Variants in CSMD3 observed in about 807,000 individuals in gnomAD.
CSMD3 encodes the protein CUB and Sushi multiple domains 3.
Under a neutral mutation model 435.2 loss-of-function variants are expected in CSMD3, and 177 were observed. That is an observed-to-expected ratio of 0.41 (90% CI 0.36 to 0.46). CSMD3 has a LOEUF of 0.46. Ranked by LOEUF, CSMD3 falls within the 20% of genes least tolerant of loss-of-function variation. The pLI, the probability that CSMD3 is intolerant of heterozygous loss-of-function variation, is 0.34. For missense variants in CSMD3, 4,265 were observed against 4,504.6 expected (o/e 0.95, Z 1.52); for synonymous variants, 1,656 against 1,520.5 (o/e 1.09, Z -2.07).
intron 57 of CSMD3, 140 bp from the exon 58 acceptor site, chr8:112,287,386 T>A: frequency 2.7e-6 from 2 of 751,302 alleles, no homozygotes; most frequent in Non-Finnish European, 4.7e-6. Flanking sequence ...AATTCATATT[T>A]CTTATCTGAC....
intron 2 of CSMD3, among the ~76,000 whole-genome samples, chr8:113,301,281 A>T (rs191348531): frequency 6.3e-4 from 96 of 152,216 alleles, no homozygotes; most frequent in African/African-American, 2.3e-3. Flanking sequence ...TTACAGACTT[A>T]TATATTATTA....
At chr8:113,000,120 G>A (rs2085808600) in intron 6 of CSMD3, among the ~76,000 whole-genome samples, 1 of 151,910 alleles carries the variant, frequency 6.6e-6, no homozygotes, top group Non-Finnish European at 1.5e-5. Context: ...AAATGACAAA[G>A]GAGACTGAGG....
chr8:113,366,610 G>A (rs892042460), intron 1 of CSMD3, among the ~76,000 whole-genome samples: 6 of 151,962 alleles, frequency 3.9e-5, no homozygotes, highest in Admixed American at 6.6e-5. Flanking sequence ...AGAGCTAATC[G>A]TTTTATGCAT....
intron 30 of CSMD3, among the ~76,000 whole-genome samples, chr8:112,496,538 A>C (rs1586517956): frequency 6.6e-6 from 1 of 152,318 alleles, no homozygotes; most frequent in East Asian, 1.9e-4. Context: ...AGAATAGTCA[A>C]GATTTGGAAG....
chr8:113,064,770 C>T (rs1267365349), intron 5 of CSMD3, among the ~76,000 whole-genome samples: 2 of 152,022 alleles, frequency 1.3e-5, no homozygotes, highest in Non-Finnish European at 2.9e-5. Context: ...CAAATTACGG[C>T]TTTTTCTTTT....
chr8:112,380,314 T>C (rs1829352121), intron 38 of CSMD3, 38 bp downstream of exon 38: 1 of 1,098,398 alleles, frequency 9.1e-7, no homozygotes, highest in Non-Finnish European at 1.4e-6. Context: ...ATAAACTTGT[T>C]CTTAACCTTT....
chr8:112,336,732 T>C lies in CSMD3; in HGVS notation c.6939A>G (p.Val2313=), dbSNP rs755814766. 1.3e-5 allele frequency: 21 copies of C among 1,613,356 alleles called. No individual in the cohort carries two copies. The highest frequency in any genetic ancestry group is 1.6e-4 in the Middle Eastern group (1 of 6,080). ...YPNFQDCFWL[V]RVPPGNGIYI... Reference sequence around the variant, plus strand: ...AGATGCCATTCCCAGGGGGTACTCTTACAAGCCAAAAACAATCTTGAAAGT... The same window carrying C: ...AGATGCCATTCCCAGGGGGTACTCTCACAAGCCAAAAACAATCTTGAAAGT... Residue 2313 remains valine (V), a synonymous_variant, in exon 44 of 71, where the codon GTA becomes GTG. Transcript: ENST00000297405.
chr8:112,596,882 T>C (rs1177946822), intron 22 of CSMD3, among the ~76,000 whole-genome samples: 1 of 150,954 alleles, frequency 6.6e-6, no homozygotes, highest in African/African-American at 2.4e-5. Context: ...TAGAGGGAAA[T>C]TTATAGCACT....
intron 47 of CSMD3, among the ~76,000 whole-genome samples, chr8:112,315,427 A>G (rs1446279697): frequency 6.6e-6 from 1 of 151,910 alleles, no homozygotes. Context: ...AATGAAGAAT[A>G]TGACTAAGTT....
In CSMD3 at chr8:113,303,517, C is replaced by A. The variant is rs1358799523; in HGVS notation, c.401+11054G>T. The stretch of plus-strand genomic sequence containing the variant: ...TGCTACCTGACTTCAAACTATACTA[C>A]AAGGCTACAGTAACCAAAACAGCAT... On this transcript the variant is annotated intron_variant, in intron 2 of 70. Transcript: ENST00000297405. 1.7e-4 allele frequency among the ~76,000 whole-genome samples: 26 copies of A among 151,066 alleles called. No individual in the cohort carries two copies. In the South Asian group the frequency reaches 5.4e-3, roughly 32 times the overall value.
intron 3 of CSMD3, among the ~76,000 whole-genome samples, chr8:113,260,301 T>C (rs529369253): frequency 1.3e-5 from 2 of 152,296 alleles, no homozygotes; most frequent in Non-Finnish European, 2.9e-5. Context: ...GAATCCAAGT[T>C]GTCTCATCAC....
At chr8:112,583,115 C>G (rs934342745) in intron 23 of CSMD3, among the ~76,000 whole-genome samples, 1 of 151,922 alleles carries the variant, frequency 6.6e-6, no homozygotes, top group African/African-American at 2.4e-5. Flanking sequence ...AGGTAATTTA[C>G]AAAGGTGAGA....
At chr8:112,536,742 C>T (rs1433460804) in intron 27 of CSMD3, among the ~76,000 whole-genome samples, 3 of 150,144 alleles carry the variant, frequency 2.0e-5, no homozygotes, top group Non-Finnish European at 4.4e-5. Context: ...CGGCACTATT[C>T]ACAATAGCAA....
chr8:113,186,687 TAG>T (rs1190385784), intron 3 of CSMD3, among the ~76,000 whole-genome samples: 2 of 152,084 alleles, frequency 1.3e-5, no homozygotes, highest in East Asian at 3.9e-4. Context: ...GCTACACAAT[TAG>T]AGTGTTCCCT....
intron 38 of CSMD3, among the ~76,000 whole-genome samples, chr8:112,358,195 T>G (rs1438571956): frequency 6.6e-6 from 1 of 152,102 alleles, no homozygotes; most frequent in African/African-American, 2.4e-5. Context: ...GCACCTTTGT[T>G]TTGGCCAATT....
chr8:112,604,406 AACAGCGTGGT>A (rs1166963269), intron 22 of CSMD3, among the ~76,000 whole-genome samples: 3 of 152,162 alleles, frequency 2.0e-5, no homozygotes, highest in African/African-American at 7.2e-5. Flanking sequence ...ATACAATGAA[AACAGCGTGGT>A]ACTGATATAA....
At chr8:112,243,263 G>C (rs574986983) in intron 65 of CSMD3, among the ~76,000 whole-genome samples, 126 of 152,004 alleles carry the variant, frequency 8.3e-4, no homozygotes, top group African/African-American at 2.9e-3. Context: ...AAAAATAGCA[G>C]AGGAATGTTC....
At chr8:112,465,642 T>C (rs1817876485) in intron 32 of CSMD3, among the ~76,000 whole-genome samples, 1 of 152,146 alleles carries the variant, frequency 6.6e-6, no homozygotes, top group East Asian at 1.9e-4. Context: ...ACAAATAACA[T>C]AGTAATTTCT....
intron 4 of CSMD3, among the ~76,000 whole-genome samples, chr8:113,141,448 C>T (rs2091545635): frequency 6.6e-6 from 1 of 150,812 alleles, no homozygotes; most frequent in South Asian, 2.1e-4. Context: ...AAAATATTAG[C>T]ACATAAACTC....
Sources: allele counts gnomAD v4.1 joint callset (sites outside exome capture counted in the v4.1 genomes callset), GRCh38; gene constraint gnomAD v4.1.1; transcripts MANE v1.5; gene names NCBI Gene and HGNC (gene_info 2026-07-23, HGNC 2026-07-21).